The following SLC9A9 variants were observed in gnomAD, a reference collection of about 807,000 sequenced individuals.
The protein encoded by SLC9A9 is solute carrier family 9 member A9.
In SLC9A9, 62 loss-of-function variants were observed where a neutral mutation model predicts 77.8. The observed-to-expected ratio is 0.80, with a 90% CI of 0.65 to 0.98. SLC9A9 has a LOEUF of 0.98. Ranked by LOEUF, SLC9A9 falls within the 50% of genes least tolerant of loss-of-function variation. The pLI is 0.00. For missense variants in SLC9A9, 775 were observed against 774.9 expected (o/e 1.00, Z 0.00); for synonymous variants, 320 against 283.5 (o/e 1.13, Z -1.29).
intron 14 of SLC9A9, among the ~76,000 whole-genome samples, chr3:143,289,850 C>T (rs1241404598): frequency 6.6e-6 from 1 of 152,172 alleles, no homozygotes; most frequent in Non-Finnish European, 1.5e-5. Context: ...GCAATGCTGA[C>T]CAGATCATGG....
chr3:143,390,443 TG>T (rs2033531839), intron 12 of SLC9A9, among the ~76,000 whole-genome samples: 1 of 152,192 alleles, frequency 6.6e-6, no homozygotes, highest in African/African-American at 2.4e-5. Flanking sequence ...CATAGGCTGT[TG>T]TGGGATAATA....
intron 5 of SLC9A9, among the ~76,000 whole-genome samples, chr3:143,682,910 A>T (rs868868179): frequency 8.5e-5 from 13 of 152,200 alleles, no homozygotes; most frequent in African/African-American, 3.1e-4. Context: ...AATCCAGGGT[A>T]ATCTCCACAT....
chr3:143,704,207 C>T (rs1933889145), intron 4 of SLC9A9, among the ~76,000 whole-genome samples: 1 of 152,160 alleles, frequency 6.6e-6, no homozygotes, highest in African/African-American at 2.4e-5. Flanking sequence ...GGAGGGAATA[C>T]TTTCACATTC....
At chr3:143,332,099 G>T (rs183261196) in intron 14 of SLC9A9, among the ~76,000 whole-genome samples, 1 of 152,286 alleles carries the variant, frequency 6.6e-6, no homozygotes, top group African/African-American at 2.4e-5. Flanking sequence ...CTCATAGGGA[G>T]GAAATGCAAC....
chr3:143,786,156 A>G (rs2008051780), intron 4 of SLC9A9, among the ~76,000 whole-genome samples: 1 of 152,106 alleles, frequency 6.6e-6, no homozygotes. Flanking sequence ...CGCCCGGCCA[A>G]CTTGAATTTT....
chr3:143,662,070 A>G (rs1185127499), intron 5 of SLC9A9, among the ~76,000 whole-genome samples: 1 of 152,194 alleles, frequency 6.6e-6, no homozygotes, highest in African/African-American at 2.4e-5. Context: ...CTTAGTTACA[A>G]TTGAAAAATC....
intron 4 of SLC9A9, among the ~76,000 whole-genome samples, chr3:143,784,508 T>C (rs1479089495): frequency 1.3e-5 from 2 of 151,440 alleles, no homozygotes; most frequent in South Asian, 2.1e-4. Context: ...TTTCTTTTCT[T>C]TCTTAAAAAT....
In SLC9A9 at chr3:143,795,019, A is replaced by T; in HGVS notation, c.515T>A (p.Ile172Asn). ...CACTTACCCTATGACGATGCAGGAG[A>T]TGGCAGTTCCCAAGAAGGCATACGT... ...ILTYAFLGTA[I>N]SCIVIGLIMY... Residue 172 changes from isoleucine (I) to asparagine (N), a missense_variant, in exon 4 of 16, where the codon ATC (isoleucine) becomes AAC (asparagine). By Grantham distance (149) the Ile-to-Asn change is moderately radical (BLOSUM62 -3). Transcript: ENST00000316549. The T allele has an allele frequency of 1.2e-6, 2 of 1,614,028 alleles. No homozygotes were observed. The highest frequency in any genetic ancestry group is 1.7e-6 in the Non-Finnish European group (2 of 1,179,930).
intron 6 of SLC9A9, among the ~76,000 whole-genome samples, chr3:143,585,559 A>T (rs2037526527): frequency 6.6e-6 from 1 of 152,228 alleles, no homozygotes; most frequent in African/African-American, 2.4e-5. Context: ...CTGTGGGCAC[A>T]TGTCATTAGG....
At chr3:143,299,321 G>A (rs1364849693) in intron 14 of SLC9A9, among the ~76,000 whole-genome samples, 1 of 152,148 alleles carries the variant, frequency 6.6e-6, no homozygotes, top group East Asian at 1.9e-4. Flanking sequence ...GAGCAGCTCT[G>A]TATAGGAGCT....
intron 13 of SLC9A9, among the ~76,000 whole-genome samples, chr3:143,367,463 C>T (rs894829628): frequency 1.1e-4 from 16 of 152,116 alleles, no homozygotes; most frequent in Middle Eastern, 3.2e-3. Context: ...TGGATCCATT[C>T]GTTTATTTCT....
intron 4 of SLC9A9, among the ~76,000 whole-genome samples, chr3:143,705,563 G>C (rs1576671672): frequency 6.6e-6 from 1 of 151,864 alleles, no homozygotes; most frequent in Non-Finnish European, 1.5e-5. Flanking sequence ...CACATGTAAC[G>C]CATAAATATA....
At chr3:143,486,943 A>C (rs1292834489) in intron 11 of SLC9A9, among the ~76,000 whole-genome samples, 1 of 152,026 alleles carries the variant, frequency 6.6e-6, no homozygotes, top group Non-Finnish European at 1.5e-5. Context: ...TAATTACTTT[A>C]AATGTAAATG....
chr3:143,534,564 C>G (rs1480180956), intron 9 of SLC9A9, among the ~76,000 whole-genome samples: 1 of 152,090 alleles, frequency 6.6e-6, no homozygotes, highest in East Asian at 1.9e-4. Flanking sequence ...GCAGGCAGAC[C>G]ACTGGCTGAT....
chr3:143,337,065 A>G (rs536137998), intron 14 of SLC9A9, among the ~76,000 whole-genome samples: 271 of 152,286 alleles, frequency 1.8e-3, no homozygotes, highest in African/African-American at 6.3e-3. Context: ...TGACTAAACT[A>G]TAGCTAATCT....
At chr3:143,496,192 G>A (rs1382974829) in intron 9 of SLC9A9, among the ~76,000 whole-genome samples, 2 of 152,194 alleles carry the variant, frequency 1.3e-5, no homozygotes, top group Non-Finnish European at 2.9e-5. Flanking sequence ...GTTCCCAAGA[G>A]TTATTCTTAG....
intron 2 of SLC9A9, among the ~76,000 whole-genome samples, chr3:143,825,650 T>G (rs1320072541): frequency 1.3e-5 from 2 of 152,136 alleles, no homozygotes; most frequent in Non-Finnish European, 2.9e-5. Context: ...TGCTCAGCAG[T>G]GTAACTCACT....
At chr3:143,668,204 C>G (rs1313732770) in intron 5 of SLC9A9, among the ~76,000 whole-genome samples, 1 of 151,576 alleles carries the variant, frequency 6.6e-6, no homozygotes, top group East Asian at 1.9e-4. Flanking sequence ...AGCTGGAAAC[C>G]ATCATTCTCA....
rs200316141 is a variant in SLC9A9 at position 143,796,234 on chromosome 3, A to C, written c.456+592T>G. ...AAGTGCATAGAAACTGTAAAACTGG[A>C]CTTTCCTGTCTATGAGCATCAACAG... is the stretch of plus-strand genomic sequence containing the variant. On this transcript the variant is annotated intron_variant, in intron 3 of 15. Transcript: ENST00000316549. 4.6e-5 allele frequency among the ~76,000 whole-genome samples: 7 copies of C among 152,342 alleles called. No individual in the cohort carries two copies. The East Asian group carries it at 1.4e-3, about 29-fold the overall frequency.
Sources: gnomAD v4.1 joint callset for allele counts (sites outside exome capture counted in the v4.1 genomes callset) on GRCh38, gnomAD v4.1.1 for gene constraint, MANE v1.5 for transcripts, NCBI Gene and HGNC (gene_info 2026-07-23, HGNC 2026-07-21) for gene names.